CNTNAP2: variants seen among roughly 807,000 people sequenced by gnomAD.
The protein encoded by CNTNAP2 is contactin associated protein 2.
In CNTNAP2, 98 loss-of-function variants were observed where a neutral mutation model predicts 155.2. The observed-to-expected ratio is 0.63, with a 90% CI of 0.54 to 0.75. The LOEUF is 0.75. Ranked by LOEUF, CNTNAP2 falls within the 30% of genes least tolerant of loss-of-function variation. CNTNAP2 has a pLI of 0.00. For missense variants in CNTNAP2, 1,727 were observed against 1,688.1 expected (o/e 1.02, Z -0.40); for synonymous variants, 651 against 631.2 (o/e 1.03, Z -0.47).
chr7:146,564,952 AT>A (rs1798334860), intron 1 of CNTNAP2, among the ~76,000 whole-genome samples: 3 of 152,156 alleles, frequency 2.0e-5, no homozygotes, highest in Non-Finnish European at 4.4e-5. Flanking sequence ...ACTGCTCAAG[AT>A]CACGTGGCTA....
chr7:146,423,250 G>A (rs1365330638), intron 1 of CNTNAP2, among the ~76,000 whole-genome samples: 1 of 152,040 alleles, frequency 6.6e-6, no homozygotes, highest in Non-Finnish European at 1.5e-5. Context: ...TGTCTTTTAA[G>A]TATTTAGTGT....
chr7:146,711,281 GAA>G (rs954580274), intron 1 of CNTNAP2, among the ~76,000 whole-genome samples: 15 of 144,854 alleles, frequency 1.0e-4, no homozygotes, highest in African/African-American at 3.5e-4. Flanking sequence ...ATATATAATA[GAA>G]AACATAAACA....
At chr7:148,067,987 A>G (rs1246309356) in intron 15 of CNTNAP2, among the ~76,000 whole-genome samples, 1 of 151,620 alleles carries the variant, frequency 6.6e-6, no homozygotes, top group East Asian at 1.9e-4. Context: ...GGCCAGTCTC[A>G]CTCCCACTGC....
intron 13 of CNTNAP2, among the ~76,000 whole-genome samples, chr7:147,842,492 A>G (rs953182869): frequency 6.6e-6 from 1 of 152,000 alleles, no homozygotes; most frequent in Non-Finnish European, 1.5e-5. Flanking sequence ...ACAAGGGGGA[A>G]GAGAATAATT....
intron 15 of CNTNAP2, among the ~76,000 whole-genome samples, chr7:148,068,703 T>C (rs1037925980): frequency 6.6e-6 from 1 of 152,210 alleles, no homozygotes; most frequent in African/African-American, 2.4e-5. Flanking sequence ...TAATTTCCTT[T>C]TGAGTACTGT....
intron 1 of CNTNAP2, among the ~76,000 whole-genome samples, chr7:146,133,495 A>G (rs1402177114): frequency 6.6e-6 from 1 of 152,134 alleles, no homozygotes; most frequent in Admixed American, 6.5e-5. Context: ...GCCCATGCCT[A>G]TGTCCTGAAT....
intron 3 of CNTNAP2, among the ~76,000 whole-genome samples, chr7:147,006,764 T>C (rs1039719812): frequency 1.3e-5 from 2 of 152,238 alleles, no homozygotes; most frequent in East Asian, 3.9e-4. Flanking sequence ...GAGGCTCCTG[T>C]CATTTTACTA....
intron 1 of CNTNAP2, among the ~76,000 whole-genome samples, chr7:146,227,893 C>T (rs909693675): frequency 2.6e-5 from 4 of 152,268 alleles, no homozygotes; most frequent in East Asian, 1.9e-4. Context: ...TGGGAACATT[C>T]GGTCTCAAAG....
intron 22 of CNTNAP2, among the ~76,000 whole-genome samples, chr7:148,387,689 A>G (rs1294675638): frequency 6.6e-6 from 1 of 152,160 alleles, no homozygotes; most frequent in Non-Finnish European, 1.5e-5. Context: ...CTAATCTTGT[A>G]TAGTGCTTCT....
intron 13 of CNTNAP2, among the ~76,000 whole-genome samples, chr7:147,680,064 A>G (rs1385674506): frequency 6.6e-6 from 1 of 151,750 alleles, no homozygotes; most frequent in Non-Finnish European, 1.5e-5. Context: ...CTTCACTCAA[A>G]TTACCATTTC....
intron 15 of CNTNAP2, among the ~76,000 whole-genome samples, chr7:148,072,992 G>A (rs1803409448): frequency 6.6e-6 from 1 of 152,150 alleles, no homozygotes; most frequent in Non-Finnish European, 1.5e-5. Context: ...ACAGGTGTGA[G>A]CCACCGTGCC....
At chr7:146,560,660 A>G (rs369576922) in intron 1 of CNTNAP2, among the ~76,000 whole-genome samples, 16 of 152,300 alleles carry the variant, frequency 1.1e-4, no homozygotes, top group East Asian at 9.7e-4. Context: ...TCAAGTGAGT[A>G]GAGTGAGAAT....
intron 11 of CNTNAP2, among the ~76,000 whole-genome samples, chr7:147,539,596 C>G (rs1389235131): frequency 6.6e-6 from 1 of 152,122 alleles, no homozygotes; most frequent in Non-Finnish European, 1.5e-5. Context: ...CATCACAAAC[C>G]TTTACATTTG....
At chr7:147,118,778 AT>A (rs1400314607) in intron 5 of CNTNAP2, among the ~76,000 whole-genome samples, 1 of 152,314 alleles carries the variant, frequency 6.6e-6, no homozygotes, top group Non-Finnish European at 1.5e-5. Flanking sequence ...AAAATACAGT[AT>A]TAAATTTGAT....
At chr7:147,406,481 A>G (rs1454891047) in intron 10 of CNTNAP2, among the ~76,000 whole-genome samples, 1 of 152,152 alleles carries the variant, frequency 6.6e-6, no homozygotes, top group Admixed American at 6.5e-5. Context: ...TTAAAAACAC[A>G]TATTTCCATT....
At chr7:146,743,950 T>TGG (rs68131405) in intron 1 of CNTNAP2, among the ~76,000 whole-genome samples, 11,838 of 151,832 alleles carry the variant, frequency 0.078, 1,480 homozygotes, top group African/African-American at 0.27. Context: ...AGGCCAGGAG[T>TGG]GGTGGCTCAT....
At chr7:148,208,843 T>G (rs1795497191) in intron 18 of CNTNAP2, among the ~76,000 whole-genome samples, 1 of 152,082 alleles carries the variant, frequency 6.6e-6, no homozygotes, top group Admixed American at 6.6e-5. Flanking sequence ...CTTGGCCTCA[T>G]TCAGACCTCG....
intron 2 of CNTNAP2, among the ~76,000 whole-genome samples, chr7:146,806,440 G>A (rs1802968368): frequency 6.6e-6 from 1 of 151,728 alleles, no homozygotes; most frequent in Non-Finnish European, 1.5e-5. Context: ...GGGTTGCAGT[G>A]AGCCAAGATT....
At chr7:146,699,949 C>A (rs1004321688) in intron 1 of CNTNAP2, among the ~76,000 whole-genome samples, 5 of 152,068 alleles carry the variant, frequency 3.3e-5, no homozygotes, top group African/African-American at 1.2e-4. Context: ...GCCTCAGTGA[C>A]AGAGTGAGAC....
Sources: allele counts gnomAD v4.1 joint callset (sites outside exome capture counted in the v4.1 genomes callset), GRCh38; gene constraint gnomAD v4.1.1; transcripts MANE v1.5; gene names NCBI Gene and HGNC (gene_info 2026-07-23, HGNC 2026-07-21).